The following SPATA16 variants were observed in gnomAD, a reference collection of about 807,000 sequenced individuals.
SPATA16 encodes spermatogenesis-associated protein 16.
In SPATA16, 36 loss-of-function variants were observed where a neutral mutation model predicts 63.3. The observed-to-expected ratio is 0.57, with a 90% CI of 0.44 to 0.75. The LOEUF (loss-of-function observed/expected upper bound fraction) is 0.75, where lower values mean the gene tolerates loss of function less well. Among genes scored for constraint, SPATA16 ranks in the 30% least tolerant of loss-of-function variants. The pLI is 0.00. For missense variants in SPATA16, 646 were observed against 679.3 expected (o/e 0.95, Z 0.54); for synonymous variants, 203 against 216.7 (o/e 0.94, Z 0.56).
chr3:172,956,921 C>T lies in SPATA16; in HGVS notation c.934-97G>A, dbSNP rs1284273481. 4 of 1,398,938 alleles carry T rather than the reference C, an allele frequency of 2.9e-6. No individual in the cohort carries two copies. In the East Asian group the frequency reaches 9.8e-5, roughly 34 times the overall value. The allele number at this position is 1,398,938 out of a possible 1,614,324, so 86.7% of individuals were successfully genotyped here. On this transcript the variant is annotated intron_variant, in intron 5 of 10. Transcript: ENST00000351008. ...TTACCTTTATGGATGACTTAAAAAT[C>T]TATATACTGTACTGCAAAGATAACA... is the stretch of plus-strand genomic sequence containing the variant.
chr3:172,975,836 A>T (rs907931360), intron 5 of SPATA16, among the ~76,000 whole-genome samples: 1 of 152,074 alleles, frequency 6.6e-6, no homozygotes, highest in Non-Finnish European at 1.5e-5. Context: ...TGTATGATAA[A>T]CCTGACACTT....
chr3:173,096,982 C>T (rs958669922), intron 2 of SPATA16, among the ~76,000 whole-genome samples: 1 of 152,110 alleles, frequency 6.6e-6, no homozygotes, highest in Non-Finnish European at 1.5e-5. Context: ...ACAGTAGTCC[C>T]TTCTTACCCA....
At chr3:172,895,510 A>G (rs76249186) in intron 10 of SPATA16, among the ~76,000 whole-genome samples, 14,749 of 151,846 alleles carry the variant, frequency 0.097, 807 homozygotes, top group African/African-American at 0.14. Flanking sequence ...TAATTTTTGT[A>G]TTTTTGGTAG....
At chr3:173,134,801 C>G (rs552806139) in intron 1 of SPATA16, among the ~76,000 whole-genome samples, 2 of 152,070 alleles carry the variant, frequency 1.3e-5, no homozygotes, top group East Asian at 1.9e-4. Flanking sequence ...TCAAATGCAG[C>G]GAATAAATTT....
intron 2 of SPATA16, among the ~76,000 whole-genome samples, chr3:173,094,962 G>T (rs922711541): frequency 1.7e-4 from 26 of 152,042 alleles, no homozygotes; most frequent in African/African-American, 6.3e-4. Flanking sequence ...AAAATATTTT[G>T]AATATCAGCC....
At chr3:173,102,530 G>A (rs192920308) in intron 2 of SPATA16, among the ~76,000 whole-genome samples, 1 of 152,216 alleles carries the variant, frequency 6.6e-6, no homozygotes, top group East Asian at 1.9e-4. Context: ...GGGGAAACAC[G>A]GGTAGGGGAA....
chr3:172,904,696 GA>G (rs1473429013), intron 10 of SPATA16, among the ~76,000 whole-genome samples: 1 of 152,228 alleles, frequency 6.6e-6, no homozygotes, highest in Non-Finnish European at 1.5e-5. Flanking sequence ...AGAGGAGAAA[GA>G]TGTTGGTTTA....
chr3:172,953,048 A>G (rs1310087248), intron 6 of SPATA16, among the ~76,000 whole-genome samples: 1 of 152,020 alleles, frequency 6.6e-6, no homozygotes, highest in Non-Finnish European at 1.5e-5. Flanking sequence ...TATCCTACAT[A>G]ATTCTTTTAA....
intron 10 of SPATA16, among the ~76,000 whole-genome samples, chr3:172,913,034 G>A (rs1314532393): frequency 6.6e-6 from 1 of 152,150 alleles, no homozygotes; most frequent in African/African-American, 2.4e-5. Context: ...AGATGAATGG[G>A]GAGTTGATTG....
At chr3:172,935,155 A>C (rs559056765) in intron 6 of SPATA16, among the ~76,000 whole-genome samples, 1 of 152,330 alleles carries the variant, frequency 6.6e-6, no homozygotes, top group Admixed American at 6.5e-5. Context: ...AAAATATATA[A>C]AACTCAATAC....
At chr3:173,096,041 T>C (rs1222905196) in intron 2 of SPATA16, among the ~76,000 whole-genome samples, 1 of 152,074 alleles carries the variant, frequency 6.6e-6, no homozygotes, top group Non-Finnish European at 1.5e-5. Flanking sequence ...ATAAAAGAAA[T>C]AATGCTTTTA....
intron 1 of SPATA16, 58 bp downstream of exon 1, chr3:173,141,045 C>T (rs779214797): frequency 2.0e-5 from 3 of 152,418 alleles, no homozygotes; most frequent in Non-Finnish European, 4.4e-5. Context: ...TTCCTTCCCA[C>T]CCAGCCACTG....
chr3:172,903,274 C>A (rs1167143616), intron 10 of SPATA16, among the ~76,000 whole-genome samples: 1 of 152,232 alleles, frequency 6.6e-6, no homozygotes, highest in Non-Finnish European at 1.5e-5. Context: ...TGTTTCCACT[C>A]CTCTCACCAG....
intron 2 of SPATA16, among the ~76,000 whole-genome samples, chr3:173,058,206 A>T (rs536243969): frequency 4.6e-5 from 7 of 152,180 alleles, no homozygotes; most frequent in African/African-American, 1.7e-4. Context: ...GAACATTTTC[A>T]TGTTAATAAA....
At chr3:172,979,340 A>G (rs1734245142) in intron 4 of SPATA16, among the ~76,000 whole-genome samples, 1 of 152,250 alleles carries the variant, frequency 6.6e-6, no homozygotes, top group Non-Finnish European at 1.5e-5. Context: ...GGGACAACAT[A>G]ACATGCACTA....
chr3:173,102,728 G>T (rs1384450569), intron 2 of SPATA16, among the ~76,000 whole-genome samples: 1 of 152,084 alleles, frequency 6.6e-6, no homozygotes, highest in African/African-American at 2.4e-5. Flanking sequence ...TTCCACCTCT[G>T]CCCCCACAAA....
chr3:172,946,772 A>G (rs59560607), intron 6 of SPATA16, among the ~76,000 whole-genome samples: 13,280 of 151,282 alleles, frequency 0.088, 1,940 homozygotes, highest in African/African-American at 0.3. Flanking sequence ...GGAACTCACC[A>G]CCCTGAAGGG....
intron 2 of SPATA16, among the ~76,000 whole-genome samples, chr3:173,108,720 C>T (rs1270876023): frequency 6.6e-6 from 1 of 152,082 alleles, no homozygotes; most frequent in African/African-American, 2.4e-5. Context: ...ATGGAGCAGC[C>T]CTATACAGGT....
At chr3:172,918,967 C>T (rs778537487) in intron 8 of SPATA16, among the ~76,000 whole-genome samples, 6 of 152,098 alleles carry the variant, frequency 3.9e-5, no homozygotes, top group African/African-American at 9.7e-5. Context: ...TTCCATTTGG[C>T]ATAAGATACA....
Sources: gnomAD v4.1 joint callset for allele counts (sites outside exome capture counted in the v4.1 genomes callset) on GRCh38, gnomAD v4.1.1 for gene constraint, MANE v1.5 for transcripts, NCBI Gene and HGNC (gene_info 2026-07-23, HGNC 2026-07-21) for gene names.